DMRT1: variants seen among roughly 807,000 people sequenced by gnomAD.
DMRT1 encodes doublesex- and mab-3-related transcription factor 1.
Under a neutral mutation model 32.3 loss-of-function variants are expected in DMRT1, and 7 were observed. That is an observed-to-expected ratio of 0.22 (90% CI 0.12 to 0.41). The LOEUF (loss-of-function observed/expected upper bound fraction) is 0.41, where lower values mean the gene tolerates loss of function less well. DMRT1 is among the 10% of genes least tolerant of loss of function. The pLI is 1.00. For synonymous variants in DMRT1, 278 were observed against 206.1 expected, an observed-to-expected ratio of 1.35 and a Z score of -2.99; for missense variants, 625 against 500.5, an observed-to-expected ratio of 1.25 and a Z score of -2.37.
At chr9:856,419 G>C (rs938351158) in intron 2 of DMRT1, among the ~76,000 whole-genome samples, 1 of 152,144 alleles carries the variant, frequency 6.6e-6, no homozygotes, top group Non-Finnish European at 1.5e-5. Flanking sequence ...GCCCTAGGCA[G>C]ACACTAATAG....
chr9:924,346 A>G (rs1169348828), intron 4 of DMRT1, among the ~76,000 whole-genome samples: 1 of 152,184 alleles, frequency 6.6e-6, no homozygotes, highest in African/African-American at 2.4e-5. Context: ...TGCTGGGATT[A>G]CAGATGTGAG....
At position 890,083 on chromosome 9, in the gene DMRT1, G is replaced by GGGTTTTTTTTT. The variant is rs1273507545; in HGVS notation, c.539-3829_539-3828insGGTTTTTTTTT. On this transcript the variant is annotated intron_variant, in intron 2 of 4. Transcript: ENST00000382276. ...AAACCACCACTTAACGCCACCAAAC[G>GGGTTTTTTTTT]TGTTTTTTTTTTTTTTTTTTTTTGA... Among the ~76,000 whole-genome samples, 332 of 108,822 alleles carry GGGTTTTTTTTT rather than the reference G, an allele frequency of 3.1e-3. 5 individuals carry two copies. Among genetic ancestry groups the GGGTTTTTTTTT allele is most frequent in the African/African-American group, 0.01 (317 of 31,436 alleles). 71.4% of individuals were successfully genotyped at this position (108,822 alleles called of 152,430 possible).
intron 2 of DMRT1, among the ~76,000 whole-genome samples, chr9:847,356 G>C (rs113055099): frequency 1.3e-5 from 2 of 152,200 alleles, no homozygotes; most frequent in African/African-American, 4.8e-5. Flanking sequence ...TTTCCTGTTG[G>C]TTATTAGTCA....
intron 4 of DMRT1, among the ~76,000 whole-genome samples, chr9:956,389 C>T (rs145583987): frequency 9.1e-4 from 138 of 152,124 alleles, no homozygotes; most frequent in Admixed American, 2.4e-3. Flanking sequence ...ATGTATTTCA[C>T]TGAACGCTAC....
chr9:853,165 A>G (rs1815234216), intron 2 of DMRT1, among the ~76,000 whole-genome samples: 1 of 152,276 alleles, frequency 6.6e-6, no homozygotes. Flanking sequence ...CCCTGCCCCA[A>G]CACATGCAGA....
chr9:927,016 T>C (rs762637391), intron 4 of DMRT1, among the ~76,000 whole-genome samples: 4 of 152,204 alleles, frequency 2.6e-5, no homozygotes, highest in African/African-American at 4.8e-5. Context: ...CACTAGCCAG[T>C]TGGGTTAGAG....
intron 3 of DMRT1, among the ~76,000 whole-genome samples, chr9:901,482 A>G (rs1034544986): frequency 4.0e-5 from 6 of 151,728 alleles, no homozygotes; most frequent in East Asian, 1.9e-4. Context: ...CCCTGCCACC[A>G]TGCCTGGCTA....
chr9:887,429 G>T (rs1184455954), intron 2 of DMRT1, among the ~76,000 whole-genome samples: 1 of 152,102 alleles, frequency 6.6e-6, no homozygotes, highest in African/African-American at 2.4e-5. Context: ...CTACTCCCTT[G>T]CTCTGAAAAC....
chr9:879,571 C>G (rs1172914767), intron 2 of DMRT1, among the ~76,000 whole-genome samples: 1 of 152,122 alleles, frequency 6.6e-6, no homozygotes, highest in African/African-American at 2.4e-5. Flanking sequence ...TTTTAATAGC[C>G]TTTTACATCA....
At chr9:928,808 A>G (rs943842601) in intron 4 of DMRT1, among the ~76,000 whole-genome samples, 1 of 151,812 alleles carries the variant, frequency 6.6e-6, no homozygotes, top group Non-Finnish European at 1.5e-5. Context: ...TACTAAAATT[A>G]TTTGTTTCTG....
intron 3 of DMRT1, among the ~76,000 whole-genome samples, chr9:906,192 C>G (rs1002468783): frequency 6.6e-6 from 1 of 152,152 alleles, no homozygotes; most frequent in African/African-American, 2.4e-5. Flanking sequence ...CTGCCACCCA[C>G]AAGTTGAGTG....
intron 4 of DMRT1, among the ~76,000 whole-genome samples, chr9:941,081 G>C (rs1819050228): frequency 6.6e-6 from 1 of 152,198 alleles, no homozygotes; most frequent in South Asian, 2.1e-4. Flanking sequence ...CTATTGGTGG[G>C]AATGTGAAGT....
chr9:908,357 C>A (rs899845540), intron 3 of DMRT1, among the ~76,000 whole-genome samples: 5 of 152,052 alleles, frequency 3.3e-5, no homozygotes, highest in African/African-American at 1.2e-4. Flanking sequence ...ACTCAGGAGC[C>A]TGAGGTGAGA....
intron 4 of DMRT1, among the ~76,000 whole-genome samples, chr9:925,810 C>T (rs1214209063): frequency 6.6e-6 from 1 of 152,100 alleles, no homozygotes; most frequent in Non-Finnish European, 1.5e-5. Flanking sequence ...AGAGACAGTG[C>T]CTGTTAGGTA....
At chr9:871,273 C>T (rs1816238167) in intron 2 of DMRT1, among the ~76,000 whole-genome samples, 1 of 151,630 alleles carries the variant, frequency 6.6e-6, no homozygotes, top group Non-Finnish European at 1.5e-5. Flanking sequence ...AGCAATTCTC[C>T]ACCTTGGCCT....
At chr9:874,968 C>A (rs190348810) in intron 2 of DMRT1, among the ~76,000 whole-genome samples, 1 of 151,890 alleles carries the variant, frequency 6.6e-6, no homozygotes, top group African/African-American at 2.4e-5. Flanking sequence ...CCACCACGCC[C>A]GGCAAATTTT....
chr9:872,915 T>G (rs886667627), intron 2 of DMRT1, among the ~76,000 whole-genome samples: 4 of 152,198 alleles, frequency 2.6e-5, no homozygotes, highest in Non-Finnish European at 4.4e-5. Flanking sequence ...CACAAAAATT[T>G]GTTCATCTGG....
chr9:901,227 C>T (rs902382324), intron 3 of DMRT1, among the ~76,000 whole-genome samples: 1 of 152,116 alleles, frequency 6.6e-6, no homozygotes, highest in East Asian at 1.9e-4. Context: ...GTTGCCTGGG[C>T]TGGTCTCAGA....
intron 4 of DMRT1, among the ~76,000 whole-genome samples, chr9:918,026 A>C (rs527342259): frequency 2.0e-5 from 3 of 152,352 alleles, no homozygotes; most frequent in Non-Finnish European, 4.4e-5. Flanking sequence ...TCCTTCTTTC[A>C]TACTGCTTTT....
Sources: allele counts gnomAD v4.1 joint callset (sites outside exome capture counted in the v4.1 genomes callset), GRCh38; gene constraint gnomAD v4.1.1; transcripts MANE v1.5; gene names NCBI Gene and HGNC (gene_info 2026-07-23, HGNC 2026-07-21).